The following CNTNAP4 variants were observed in gnomAD, a reference collection of about 807,000 sequenced individuals.
CNTNAP4 encodes contactin associated protein family member 4, also known as contactin-associated protein-like 4.
Under a neutral mutation model 148.4 loss-of-function variants are expected in CNTNAP4, and 98 were observed. That is an observed-to-expected ratio of 0.66 (90% CI 0.56 to 0.78). CNTNAP4 has a LOEUF of 0.78. CNTNAP4 is among the 30% of genes least tolerant of loss of function. The pLI is 0.00. For synonymous variants in CNTNAP4, 730 were observed against 565.1 expected (o/e 1.29, Z -4.14); for missense variants, 1,935 against 1,565.6 (o/e 1.24, Z -3.98).
intron 1 of CNTNAP4, among the ~76,000 whole-genome samples, chr16:76,307,230 T>G (rs1250599891): frequency 6.6e-6 from 1 of 151,992 alleles, no homozygotes; most frequent in Non-Finnish European, 1.5e-5. Context: ...AAACAGAGGA[T>G]AATGACAGAC....
chr16:76,406,947 A>T (rs1432801826), intron 3 of CNTNAP4, among the ~76,000 whole-genome samples: 3 of 151,966 alleles, frequency 2.0e-5, no homozygotes, highest in African/African-American at 7.3e-5. Context: ...AAAGGTGGCT[A>T]CACTAAACAA....
intron 2 of CNTNAP4, among the ~76,000 whole-genome samples, chr16:76,325,435 G>C (rs1962872194): frequency 6.6e-6 from 1 of 151,922 alleles, no homozygotes; most frequent in Admixed American, 6.6e-5. Flanking sequence ...ATATCTCAAA[G>C]GATTGAAATC....
intron 3 of CNTNAP4, among the ~76,000 whole-genome samples, chr16:76,377,547 G>T (rs373566028): frequency 1.3e-5 from 2 of 152,188 alleles, no homozygotes; most frequent in East Asian, 1.9e-4. Context: ...TTGAAGAGGA[G>T]TCTGTGAAAG....
intron 2 of CNTNAP4, among the ~76,000 whole-genome samples, chr16:76,324,659 G>A (rs1962778745): frequency 1.3e-5 from 2 of 152,138 alleles, no homozygotes; most frequent in African/African-American, 4.8e-5. Context: ...AATTAATTTA[G>A]AAATGTTAGC....
chr16:76,344,017 T>C (rs1212936888), intron 2 of CNTNAP4, among the ~76,000 whole-genome samples: 1 of 152,106 alleles, frequency 6.6e-6, no homozygotes, highest in African/African-American at 2.4e-5. Flanking sequence ...AGTAAAAGGG[T>C]CTGCAATTGA....
chr16:76,489,032 A>G (rs1239945914), intron 12 of CNTNAP4, among the ~76,000 whole-genome samples: 2 of 152,216 alleles, frequency 1.3e-5, no homozygotes. Context: ...TCCAGATCAC[A>G]TGATATCAAA....
At chr16:76,486,787 A>AGT (rs1400920363) in intron 12 of CNTNAP4, among the ~76,000 whole-genome samples, 1 of 152,120 alleles carries the variant, frequency 6.6e-6, no homozygotes, top group Non-Finnish European at 1.5e-5. Flanking sequence ...AGGAGGAGAG[A>AGT]GTGTGCCAGG....
chr16:76,479,141 A>T (rs1306673048), intron 11 of CNTNAP4, among the ~76,000 whole-genome samples: 1 of 152,068 alleles, frequency 6.6e-6, no homozygotes, highest in Non-Finnish European at 1.5e-5. Flanking sequence ...GTTCTTCATA[A>T]TGTCAAAGTA....
Position 76,522,236 on chromosome 16 carries a change from C to A in CNTNAP4, c.2734C>A (p.Leu912Ile). 3 of 1,613,856 alleles carry A rather than the reference C, an allele frequency of 1.9e-6. No homozygotes were observed. Among genetic ancestry groups the A allele is most frequent in the Non-Finnish European group, 2.5e-6 (3 of 1,179,838 alleles). ...APADGHVLLQ[L>I]NSQLFVGGTA... Reference sequence around the variant, plus strand: ...CGCTGATGGGCATGTCCTGTTACAGCTCAACAGTCAGCTCTTCGTGGGTAA... The same window carrying A: ...CGCTGATGGGCATGTCCTGTTACAGATCAACAGTCAGCTCTTCGTGGGTAA... Residue 912 changes from leucine to isoleucine, a missense_variant, in exon 17 of 24, where the codon CTC becomes ATC. Coordinates refer to ENST00000611870, the MANE Select transcript of CNTNAP4 (RefSeq NM_033401.5).
rs1023815541 is a variant in CNTNAP4, at chr16:76,287,286, G to A, written c.85+9539G>A. ...TTTCATGGTCAAATACATACTAGGGGAATGGAAAAAGGAGGCTAATGTAGA... is the reference window on the plus strand; with the variant it reads ...TTTCATGGTCAAATACATACTAGGGAAATGGAAAAAGGAGGCTAATGTAGA... On this transcript the variant is annotated intron_variant, in intron 1 of 23. Transcript: ENST00000611870. 4.6e-5 allele frequency among the ~76,000 whole-genome samples: 7 copies of A among 152,090 alleles called. No individual in the cohort carries two copies. The South Asian group carries it at 6.2e-4, about 14-fold the overall frequency.
chr16:76,404,587 G>A (rs1180722485), intron 3 of CNTNAP4, among the ~76,000 whole-genome samples: 1 of 152,068 alleles, frequency 6.6e-6, no homozygotes, highest in African/African-American at 2.4e-5. Context: ...CAGCATAAGT[G>A]AGTGTTTTGA....
chr16:76,464,780 A>G (rs1389148798), intron 9 of CNTNAP4, among the ~76,000 whole-genome samples: 2 of 152,172 alleles, frequency 1.3e-5, no homozygotes, highest in Non-Finnish European at 2.9e-5. Flanking sequence ...GACTTCTCTT[A>G]TCCATCCATC....
intron 1 of CNTNAP4, among the ~76,000 whole-genome samples, chr16:76,281,552 T>C (rs1236018695): frequency 2.6e-5 from 4 of 152,104 alleles, no homozygotes; most frequent in African/African-American, 2.4e-5. Flanking sequence ...ATAAAGATTA[T>C]TGTCTTGTAA....
intron 11 of CNTNAP4, among the ~76,000 whole-genome samples, chr16:76,476,852 C>T (rs1399874900): frequency 2.6e-5 from 4 of 152,152 alleles, no homozygotes; most frequent in Non-Finnish European, 1.5e-5. Context: ...CACAAACCTT[C>T]AGTCTATTGC....
chr16:76,430,373 T>C (rs2079563858), intron 4 of CNTNAP4, among the ~76,000 whole-genome samples: 1 of 152,152 alleles, frequency 6.6e-6, no homozygotes, highest in African/African-American at 2.4e-5. Context: ...TAGCTAGGAC[T>C]ACTGGCTTTC....
intron 2 of CNTNAP4, among the ~76,000 whole-genome samples, chr16:76,323,067 G>A (rs917332006): frequency 6.6e-6 from 1 of 151,914 alleles, no homozygotes; most frequent in African/African-American, 2.4e-5. Flanking sequence ...GGCTGATTTC[G>A]AACTCCTGAC....
In CNTNAP4 at chr16:76,461,946, A is replaced by G; in HGVS notation, c.1334-10A>G. On this transcript the variant is annotated splice_polypyrimidine_tract_variant and intron_variant, in intron 8 of 23. Coordinates refer to ENST00000611870, the MANE Select transcript of CNTNAP4 (RefSeq NM_033401.5). Reference sequence around the variant, plus strand: ...TTGAGAGCGATCTCTAACTGATTTCATCTCCCTAGGTGTCGAATTAAATGA... The same window carrying G: ...TTGAGAGCGATCTCTAACTGATTTCGTCTCCCTAGGTGTCGAATTAAATGA... 3 of 1,612,986 alleles carry G rather than the reference A, an allele frequency of 1.9e-6. No homozygotes were observed. Among genetic ancestry groups the G allele is most frequent in the Admixed American group, 1.7e-5 (1 of 59,994 alleles).
At chr16:76,417,817 CCT>C (rs1208388021) in intron 3 of CNTNAP4, among the ~76,000 whole-genome samples, 1 of 151,586 alleles carries the variant, frequency 6.6e-6, no homozygotes, top group East Asian at 1.9e-4. Context: ...TTTTTGTTTG[CCT>C]GAGAGTCTTT....
chr16:76,438,051 C>T (rs972068645), intron 4 of CNTNAP4, among the ~76,000 whole-genome samples: 3 of 152,048 alleles, frequency 2.0e-5, no homozygotes, highest in African/African-American at 7.2e-5. Context: ...GGGAAGTAAA[C>T]TTTGGGAAAT....
Sources: allele counts gnomAD v4.1 joint callset (sites outside exome capture counted in the v4.1 genomes callset), GRCh38; gene constraint gnomAD v4.1.1; transcripts MANE v1.5; gene names NCBI Gene and HGNC (gene_info 2026-07-23, HGNC 2026-07-21).